The following ACYP2 variants were observed in gnomAD, a reference collection of about 807,000 sequenced individuals.
The protein encoded by ACYP2 is acylphosphatase 2, also known as acylphosphatase-2.
A neutral mutation model predicts 11.2 loss-of-function variants in ACYP2; 12 were observed. That is an observed-to-expected ratio of 1.08 (90% CI 0.69 to 1.74). The LOEUF is 1.74. ACYP2 is among the 40% of genes most tolerant of loss of function. ACYP2 has a pLI of 0.00. For missense variants in ACYP2, 134 were observed against 101.9 expected, an observed-to-expected ratio of 1.31 and a Z score of -1.35; for synonymous variants, 43 against 32.2, an observed-to-expected ratio of 1.33 and a Z score of -1.13.
In ACYP2 at chr2:54,177,901, CTTTATT is replaced by C. The variant is rs1288108100; in HGVS notation, c.404+39157_404+39162del. Among the ~76,000 whole-genome samples the C allele has an allele frequency of 5.0e-4, 62 of 124,052 alleles. 1 individual carries two copies. Among genetic ancestry groups the C allele is most frequent in the Non-Finnish European group, 6.2e-4 (39 of 62,950 alleles). 81.4% of individuals were successfully genotyped at this position (124,052 alleles called of 152,430 possible). On this transcript the variant is annotated intron_variant, in intron 6 of 6. Transcript: ENST00000607452. ...GGCCTCCTGTTTCTTTTCTTTCTTT[CTTTATT>C]TTTTTTTTTTTTTTTGAGATGGAGT... is the stretch of plus-strand genomic sequence containing the variant.
chr2:54,099,118 T>C (rs1035691247), intron 4 of ACYP2, among the ~76,000 whole-genome samples: 1 of 152,224 alleles, frequency 6.6e-6, no homozygotes, highest in Admixed American at 6.5e-5. Flanking sequence ...CTTCACCTGC[T>C]GTTCCTTTTT....
intron 6 of ACYP2, among the ~76,000 whole-genome samples, chr2:54,207,461 T>G (rs1558613651): frequency 6.6e-6 from 1 of 152,178 alleles, no homozygotes; most frequent in Non-Finnish European, 1.5e-5. Flanking sequence ...TAATTTGCTT[T>G]ACTTAAATTC....
chr2:54,283,071 G>C (rs1038336840), intron 6 of ACYP2, among the ~76,000 whole-genome samples: 2 of 152,126 alleles, frequency 1.3e-5, no homozygotes, highest in Non-Finnish European at 2.9e-5. Flanking sequence ...TTTATACTTT[G>C]CACAGTGGTG....
At chr2:54,056,790 T>C (rs1387692245) in intron 3 of ACYP2, among the ~76,000 whole-genome samples, 1 of 152,216 alleles carries the variant, frequency 6.6e-6, no homozygotes, top group African/African-American at 2.4e-5. Context: ...AGCTTTCTAC[T>C]ATATTACCTG....
chr2:54,102,950 C>A (rs74553732), intron 4 of ACYP2, among the ~76,000 whole-genome samples: 436 of 152,212 alleles, frequency 2.9e-3, no homozygotes, highest in African/African-American at 9.9e-3. Context: ...CTTTGGTTGG[C>A]CTGGTTTCCA....
intron 2 of ACYP2, among the ~76,000 whole-genome samples, chr2:54,012,912 T>G (rs1036627341): frequency 6.6e-6 from 1 of 152,136 alleles, no homozygotes; most frequent in Admixed American, 6.6e-5. Flanking sequence ...TGACCTGTCT[T>G]CTTCTCTGAT....
intron 6 of ACYP2, among the ~76,000 whole-genome samples, chr2:54,205,744 C>T (rs1572934063): frequency 6.6e-6 from 1 of 152,180 alleles, no homozygotes; most frequent in South Asian, 2.1e-4. Flanking sequence ...CTCCCCTCTA[C>T]CCCTCTGAAG....
intron 6 of ACYP2, among the ~76,000 whole-genome samples, chr2:54,155,890 A>C (rs2103818934): frequency 6.6e-6 from 1 of 152,312 alleles, no homozygotes; most frequent in African/African-American, 2.4e-5. Flanking sequence ...CCTGTTACTG[A>C]GTCCTAGTTT....
chr2:54,249,200 T>G (rs1357760978), intron 6 of ACYP2, among the ~76,000 whole-genome samples: 1 of 152,064 alleles, frequency 6.6e-6, no homozygotes, highest in Non-Finnish European at 1.5e-5. Flanking sequence ...GAGATAATAT[T>G]CAGGAAGGGG....
chr2:54,115,499 G>A (rs1679697782), intron 4 of ACYP2, 116 bp from the exon 1 acceptor site: 2 of 1,420,598 alleles, frequency 1.4e-6, no homozygotes, highest in East Asian at 2.6e-5. Context: ...CCCTCCTGGC[G>A]TCCCCGGCTG....
intron 6 of ACYP2, among the ~76,000 whole-genome samples, chr2:54,181,072 G>T (rs1267474480): frequency 6.6e-6 from 1 of 152,158 alleles, no homozygotes; most frequent in East Asian, 1.9e-4. Flanking sequence ...ACTTCAGTGT[G>T]TTCATTCATT....
At chr2:54,279,960 T>C (rs540492299) in intron 6 of ACYP2, among the ~76,000 whole-genome samples, 1 of 152,276 alleles carries the variant, frequency 6.6e-6, no homozygotes, top group South Asian at 2.1e-4. Context: ...TCTTCTTCCA[T>C]GCCCATTTTA....
chr2:53,985,180 C>T (rs1275786220), intron 2 of ACYP2, among the ~76,000 whole-genome samples: 2 of 151,928 alleles, frequency 1.3e-5, no homozygotes, highest in African/African-American at 2.4e-5. Context: ...CACCATTCTC[C>T]TGCCTCAGCC....
chr2:54,079,187 T>C (rs764579839), intron 4 of ACYP2, among the ~76,000 whole-genome samples: 1 of 152,196 alleles, frequency 6.6e-6, no homozygotes, highest in African/African-American at 2.4e-5. Context: ...ATTTAGTCCA[T>C]AGAATATCTA....
chr2:54,163,247 TA>T (rs1331624338), intron 6 of ACYP2, among the ~76,000 whole-genome samples: 3 of 152,188 alleles, frequency 2.0e-5, no homozygotes, highest in Non-Finnish European at 4.4e-5. Context: ...GATTTATGTG[TA>T]TATGCTTTTG....
intron 4 of ACYP2, among the ~76,000 whole-genome samples, chr2:54,128,043 GT>G (rs1222440100): frequency 6.6e-6 from 1 of 152,280 alleles, no homozygotes; most frequent in East Asian, 1.9e-4. Flanking sequence ...TCAAATAAGT[GT>G]TTTATAAAGT....
intron 6 of ACYP2, among the ~76,000 whole-genome samples, chr2:54,145,003 C>T (rs1278877448): frequency 6.6e-6 from 1 of 151,898 alleles, no homozygotes; most frequent in African/African-American, 2.4e-5. Context: ...GCATTTTCTC[C>T]TGAATACAGT....
intron 2 of ACYP2, among the ~76,000 whole-genome samples, chr2:53,995,871 G>A (rs984905222): frequency 2.6e-5 from 4 of 152,048 alleles, no homozygotes; most frequent in African/African-American, 4.8e-5. Context: ...GGTCGTTCAC[G>A]CCTATAATCC....
chr2:54,285,114 T>C (rs986463143), intron 6 of ACYP2, among the ~76,000 whole-genome samples: 2 of 152,206 alleles, frequency 1.3e-5, no homozygotes, highest in Non-Finnish European at 2.9e-5. Flanking sequence ...TGCCCTCATA[T>C]GGTGGAAGGG....
Sources: allele counts gnomAD v4.1 joint callset (sites outside exome capture counted in the v4.1 genomes callset), GRCh38; gene constraint gnomAD v4.1.1; transcripts MANE v1.5; gene names NCBI Gene and HGNC (gene_info 2026-07-23, HGNC 2026-07-21).